ZBTB20: variants seen among roughly 807,000 people sequenced by gnomAD.
The protein encoded by ZBTB20 is zinc finger and BTB domain containing 20, also known as zinc finger and BTB domain-containing protein 20.
Under a neutral mutation model 56.9 loss-of-function variants are expected in ZBTB20, and 9 were observed. The observed-to-expected ratio is 0.16, with a 90% CI of 0.10 to 0.28. The LOEUF (loss-of-function observed/expected upper bound fraction) is 0.28, where lower values mean the gene tolerates loss of function less well. ZBTB20 is among the 10% of genes least tolerant of loss of function. ZBTB20 has a pLI of 1.00. For missense variants in ZBTB20, 655 were observed against 1,003.0 expected (o/e 0.65, Z 4.69); for synonymous variants, 417 against 420.7 (o/e 0.99, Z 0.11).
chr3:114,714,671 T>C (rs1190349873), intron 5 of ZBTB20, among the ~76,000 whole-genome samples: 1 of 152,236 alleles, frequency 6.6e-6, no homozygotes, highest in Non-Finnish European at 1.5e-5. Flanking sequence ...AATGACATTA[T>C]ACAAGGTGCA....
At chr3:114,510,384 T>C (rs1196541605) in intron 6 of ZBTB20, among the ~76,000 whole-genome samples, 1 of 152,308 alleles carries the variant, frequency 6.6e-6, no homozygotes, top group East Asian at 1.9e-4. Flanking sequence ...TGAAGGTTCA[T>C]GGGCTTTCTT....
At chr3:115,044,650 C>T (rs1157835963) in intron 2 of ZBTB20, among the ~76,000 whole-genome samples, 1 of 152,164 alleles carries the variant, frequency 6.6e-6, no homozygotes, top group East Asian at 1.9e-4. Flanking sequence ...ATACCAATGC[C>T]AGAGCCCTGC....
rs752505202 is a variant in ZBTB20 at position 114,351,508 on chromosome 3, C to G, written c.570G>C (p.Thr190=). The G allele has an allele frequency of 6.2e-7, 1 of 1,613,956 alleles. No homozygotes were observed. The highest frequency in any genetic ancestry group is 1.7e-5 in the Admixed American group (1 of 60,026). The change falls in exon 11 of 12, where the codon ACG becomes ACC. Residue 190 remains threonine, a synonymous_variant. Coordinates refer to ENST00000675478, the MANE Select transcript of ZBTB20 (RefSeq NM_001348800.3). ...LQIKTVIDEC[T]RIVSQNVGDV... ...CGCCCACGTTCTGTGACACGATGCG[C>G]GTGCACTCGTCGATGACTGTTTTGA...
At chr3:114,662,150 C>T (rs570890722) in intron 6 of ZBTB20, among the ~76,000 whole-genome samples, 397 of 149,384 alleles carry the variant, frequency 2.7e-3, no homozygotes, top group Non-Finnish European at 4.4e-3. Context: ...TGAGAATATA[C>T]GGTGTTTGGT....
intron 5 of ZBTB20, among the ~76,000 whole-genome samples, chr3:114,713,364 A>T (rs1042225379): frequency 6.6e-6 from 1 of 152,152 alleles, no homozygotes; most frequent in Non-Finnish European, 1.5e-5. Flanking sequence ...CAGAAATTAA[A>T]ATTTTCCTAG....
chr3:114,329,349 CA>C lies in ZBTB20; in HGVS notation c.*9655del. 1 of 152,244 alleles carries C rather than the reference CA, an allele frequency of 6.6e-6. No homozygotes were observed. The allele number at this position is 152,244 out of a possible 1,614,324, so 9.4% of individuals were successfully genotyped here. A position where few individuals can be genotyped will look rare whatever the true frequency, so the allele number is the denominator to read the frequency against. On this transcript the variant is annotated 3_prime_UTR_variant, in exon 12 of 12. Transcript: ENST00000675478. ...TCCTGAATGTAGAAGTGAAGAAGGA[CA>C]CTAGTTTCAGGCACCTGGGATGGTG...
At chr3:115,091,601 C>G (rs145243916) in intron 1 of ZBTB20, among the ~76,000 whole-genome samples, 3 of 151,456 alleles carry the variant, frequency 2.0e-5, no homozygotes, top group Admixed American at 1.3e-4. Context: ...GATGTTTAGG[C>G]AGGAAGTGGT....
At chr3:114,431,705 A>C (rs1340985097) in intron 7 of ZBTB20, among the ~76,000 whole-genome samples, 1 of 152,176 alleles carries the variant, frequency 6.6e-6, no homozygotes, top group Non-Finnish European at 1.5e-5. Context: ...TATTAATGAC[A>C]AAAATATCTA....
At chr3:114,361,379 A>G (rs1436235366) in intron 10 of ZBTB20, among the ~76,000 whole-genome samples, 1 of 152,202 alleles carries the variant, frequency 6.6e-6, no homozygotes, top group Non-Finnish European at 1.5e-5. Context: ...TGTGATTACT[A>G]GAGTTCACTT....
At chr3:114,683,291 G>A (rs2062097473) in intron 6 of ZBTB20, among the ~76,000 whole-genome samples, 1 of 152,126 alleles carries the variant, frequency 6.6e-6, no homozygotes, top group Admixed American at 6.6e-5. Context: ...GGTACAGAAA[G>A]AGAGTTCTGA....
chr3:114,828,230 T>C (rs1454494773), intron 4 of ZBTB20, among the ~76,000 whole-genome samples: 2 of 151,750 alleles, frequency 1.3e-5, no homozygotes, highest in Non-Finnish European at 3.0e-5. Context: ...ACATCAAATA[T>C]TGAGCACCAA....
chr3:114,462,297 T>C (rs1030194450), intron 7 of ZBTB20, among the ~76,000 whole-genome samples: 3 of 152,178 alleles, frequency 2.0e-5, no homozygotes, highest in Non-Finnish European at 2.9e-5. Flanking sequence ...TGGAAGTCTG[T>C]AGATGTTTAA....
intron 10 of ZBTB20, among the ~76,000 whole-genome samples, chr3:114,352,844 G>C (rs1199028389): frequency 2.0e-5 from 3 of 152,128 alleles, no homozygotes; most frequent in African/African-American, 7.2e-5. Flanking sequence ...GCCAGAAGTG[G>C]GATATATGAT....
At chr3:115,116,770 C>T (rs1380318707) in intron 1 of ZBTB20, among the ~76,000 whole-genome samples, 1 of 151,946 alleles carries the variant, frequency 6.6e-6, no homozygotes, top group Non-Finnish European at 1.5e-5. Context: ...AAGAGATTAA[C>T]TGTTCAAAAT....
intron 6 of ZBTB20, among the ~76,000 whole-genome samples, chr3:114,512,253 A>G (rs1302862187): frequency 2.0e-5 from 3 of 151,996 alleles, no homozygotes; most frequent in Non-Finnish European, 4.4e-5. Context: ...CTTTCATGAC[A>G]GCCTAATAAA....
rs551958136 is a variant in ZBTB20, at chr3:114,317,696, A to T, written c.*21309T>A. The T allele has an allele frequency of 6.6e-6, 1 of 152,206 alleles. No individual in the cohort carries two copies. Among genetic ancestry groups the T allele is most frequent in the Non-Finnish European group, 1.5e-5 (1 of 68,042 alleles). The allele number at this position is 152,206 out of a possible 1,614,324, so 9.4% of individuals were successfully genotyped here. Reference sequence around the variant, plus strand: ...AACCTCCCCTATCACTTTTTAAAAAAATTGTAAAGAGGAAGAGGTTCATCT... The same window carrying T: ...AACCTCCCCTATCACTTTTTAAAAATATTGTAAAGAGGAAGAGGTTCATCT... On this transcript the variant is annotated 3_prime_UTR_variant, in exon 12 of 12. Transcript: ENST00000675478.
At position 114,321,318 on chromosome 3, in the gene ZBTB20, G is replaced by A. The variant is rs1204771451; in HGVS notation, c.*17687C>T. On this transcript the variant is annotated 3_prime_UTR_variant, in exon 12 of 12. Transcript: ENST00000675478. ...CTCCCTTTGTTTTCTACAATGCATT[G>A]GTTTCCTTCTGTTGCGGAGCATTCT... 1 of 152,224 alleles carries A rather than the reference G, an allele frequency of 6.6e-6. No homozygotes were observed. The highest frequency in any genetic ancestry group is 1.5e-5 in the Non-Finnish European group (1 of 68,048). 9.4% of individuals were successfully genotyped at this position (152,224 alleles called of 1,614,324 possible).
intron 6 of ZBTB20, among the ~76,000 whole-genome samples, chr3:114,612,653 C>T (rs1341269429): frequency 2.0e-5 from 3 of 152,126 alleles, no homozygotes; most frequent in Non-Finnish European, 4.4e-5. Context: ...CACTATTAGA[C>T]ATACTACTAC....
chr3:114,852,262 T>C (rs2075037597), intron 4 of ZBTB20, among the ~76,000 whole-genome samples: 1 of 151,980 alleles, frequency 6.6e-6, no homozygotes, highest in East Asian at 1.9e-4. Context: ...TTTTATTTTA[T>C]TTTATTTATT....
Sources: allele counts gnomAD v4.1 joint callset (sites outside exome capture counted in the v4.1 genomes callset), GRCh38; gene constraint gnomAD v4.1.1; transcripts MANE v1.5; gene names NCBI Gene and HGNC (gene_info 2026-07-23, HGNC 2026-07-21).